The following VSIG10L2 variants were observed in gnomAD, a reference collection of about 807,000 sequenced individuals.
The protein encoded by VSIG10L2 is V-set and immunoglobulin domain containing 10 like 2.
In VSIG10L2, 56 loss-of-function variants were observed where a neutral mutation model predicts 67.1. The ratio of observed to expected loss-of-function variants is 0.83; its 90% CI spans 0.67 to 1.04. The LOEUF (loss-of-function observed/expected upper bound fraction) is 1.04. Ranked by LOEUF, VSIG10L2 falls within the 50% of genes least tolerant of loss-of-function variation. The pLI, the probability that VSIG10L2 is intolerant of heterozygous loss-of-function variation, is 0.00. For synonymous variants in VSIG10L2, 360 were observed against 396.6 expected, an observed-to-expected ratio of 0.91 and a Z score of 1.10; for missense variants, 843 against 932.8, an observed-to-expected ratio of 0.90 and a Z score of 1.25.
chr11:125,954,200 G>C lies in VSIG10L2; in HGVS notation c.1900G>C (p.Val634Leu). The change falls in exon 8 of 12, where the codon GTG becomes CTG. Residue 634 changes from valine (V) to leucine (L), a missense_variant. Physicochemically the swap from Val to Leu is conservative, Grantham distance 32. Transcript: ENST00000686984. Reference sequence around the variant, plus strand: ...ACCCGGGAACCTGACGGGCTTCCTGGTGCAGCGGAAGGCCAGTGCCCTGGG... The same window carrying C: ...ACCCGGGAACCTGACGGGCTTCCTGCTGCAGCGGAAGGCCAGTGCCCTGGG... Reference protein sequence around the residue: ...LGPGNLTGFLVQRKASALGPG... With the variant: ...LGPGNLTGFLLQRKASALGPG... The C allele has an allele frequency of 8.1e-7, 1 of 1,232,230 alleles. No homozygotes were observed. Among genetic ancestry groups the C allele is most frequent in the Non-Finnish European group, 1.0e-6 (1 of 988,024 alleles). The allele number at this position is 1,232,230 out of a possible 1,614,324, so 76.3% of individuals were successfully genotyped here. A position where few individuals can be genotyped will look rare whatever the true frequency, so the allele number is the denominator to read the frequency against.
chr11:125,947,144 T>C (rs1274025813), intron 1 of VSIG10L2, among the ~76,000 whole-genome samples: 1 of 152,124 alleles, frequency 6.6e-6, no homozygotes, highest in Non-Finnish European at 1.5e-5. Context: ...CGGTGTCCTC[T>C]TTCCCTTGCT....
Position 125,953,579 on chromosome 11 carries a change from C to T in VSIG10L2, c.1675C>T (p.Leu559=), listed in dbSNP as rs2134307164. ...CATGCTGCACCCTGAGGGTGCCCAG[C>T]TGCGCCTGGGCATCTACGATGCTGA... ...GFMLHPEGAQ[L]RLGIYDADPA... is the part of the protein sequence containing the mutation. Residue 559 remains leucine (L), a synonymous_variant, in exon 7 of 12, where the codon CTG becomes TTG. Transcript: ENST00000686984. 3 of 1,232,214 alleles carry T rather than the reference C, an allele frequency of 2.4e-6. No individual in the cohort carries two copies. Among genetic ancestry groups the T allele is most frequent in the Non-Finnish European group, 3.0e-6 (3 of 987,992 alleles). 76.3% of individuals were successfully genotyped at this position (1,232,214 alleles called of 1,614,324 possible). A position where few individuals can be genotyped will look rare whatever the true frequency, so the allele number is the denominator to read the frequency against.
In VSIG10L2 at chr11:125,948,496, CG is replaced by C; in HGVS notation, c.627del (p.Thr210HisfsTer3). On this transcript the variant is annotated frameshift_variant, in exon 3 of 12. Transcript: ENST00000686984. LOFTEE classifies it high-confidence loss of function. ...EPLFQLDPVNRTHLGWYMCSA... is the reference protein window; with the variant it reads ...EPLFQLDPVNXTHLGWYMCSA... ...ACTATTCCAGCTGGACCCTGTCAAC[CG>C]GACACACCTAGGGTGGTACATGTGC... 8.1e-7 allele frequency: 1 copy of C among 1,232,232 alleles called. No individual in the cohort carries two copies. Among genetic ancestry groups the C allele is most frequent in the Middle Eastern group, 3.1e-4 (1 of 3,210 alleles). 76.3% of individuals were successfully genotyped at this position (1,232,232 alleles called of 1,614,324 possible).
Position 125,955,597 on chromosome 11 carries a change from C to T in VSIG10L2, c.2232-18C>T, listed in dbSNP as rs368732673. The T allele has an allele frequency of 8.5e-6, 13 of 1,526,278 alleles. No individual in the cohort carries two copies. The African/African-American group carries it at 1.5e-4, about 18-fold the overall frequency. The allele number at this position is 1,526,278 out of a possible 1,614,324, so 94.5% of individuals were successfully genotyped here. On this transcript the variant is annotated intron_variant, in intron 10 of 11. Coordinates refer to ENST00000686984, the MANE Select transcript of VSIG10L2 (RefSeq NM_001365077.2). ...GAAGTGAGTTGCCACTAACTTTACT[C>T]TCCCACTTCACTCTCAGGGAGCAAA... is the stretch of plus-strand genomic sequence containing the variant.
intron 9 of VSIG10L2, among the ~76,000 whole-genome samples, 35 bp from the exon 10 acceptor site, chr11:125,955,447 G>A (rs1269953225): frequency 6.6e-6 from 1 of 152,202 alleles, no homozygotes; most frequent in Non-Finnish European, 1.5e-5. Flanking sequence ...TGCTGGGCTG[G>A]CCAAGTAATG....
At position 125,947,927 on chromosome 11, in the gene VSIG10L2, G is replaced by C. The variant is rs1945318676; in HGVS notation, c.324G>C (p.Val108=). The C allele has an allele frequency of 1.6e-6, 2 of 1,232,338 alleles. No homozygotes were observed. The highest frequency in any genetic ancestry group is 8.2e-5 in the South Asian group (2 of 24,326). The allele number at this position is 1,232,338 out of a possible 1,614,324, so 76.3% of individuals were successfully genotyped here. The change falls in exon 2 of 12, where the codon GTG becomes GTC. Residue 108 remains valine (V), a synonymous_variant. Coordinates refer to ENST00000686984, the MANE Select transcript of VSIG10L2 (RefSeq NM_001365077.2). ...GVVSLRNSSL[V]LGELHEGARG... Reference sequence around the variant, plus strand: ...TGAGTCTGAGGAACAGCAGCCTGGTGCTGGGGGAGCTTCACGAGGGTGCCC... The same window carrying C: ...TGAGTCTGAGGAACAGCAGCCTGGTCCTGGGGGAGCTTCACGAGGGTGCCC...
intron 9 of VSIG10L2, 65 bp downstream of exon 9, chr11:125,955,244 A>G: frequency 7.6e-7 from 1 of 1,307,964 alleles, no homozygotes. Context: ...TGACCTATCC[A>G]AAGGAGAGAT....
chr11:125,953,456 G>T lies in VSIG10L2; in HGVS notation c.1552G>T (p.Ala518Ser), dbSNP rs1254601372. Reference protein sequence around the residue: ...PRVSVLEGGEAWLECSLRGGT... With the variant: ...PRVSVLEGGESWLECSLRGGT... ...CGTGTCAGTGTTGGAGGGGGGAGAGGCCTGGCTGGAGTGCTCTCTCCGCGG... is the reference window on the plus strand; with the variant it reads ...CGTGTCAGTGTTGGAGGGGGGAGAGTCCTGGCTGGAGTGCTCTCTCCGCGG... Residue 518 changes from alanine to serine, a missense_variant, in exon 7 of 12, where the codon GCC becomes TCC. Ala to Ser is a moderately conservative substitution (Grantham distance 99). Coordinates refer to ENST00000686984, the MANE Select transcript of VSIG10L2 (RefSeq NM_001365077.2). The T allele has an allele frequency of 4.1e-6, 5 of 1,232,236 alleles. No homozygotes were observed. The highest frequency in any genetic ancestry group is 5.1e-6 in the Non-Finnish European group (5 of 988,136). The allele number at this position is 1,232,236 out of a possible 1,614,324, so 76.3% of individuals were successfully genotyped here.
At position 125,956,299 on chromosome 11, in the gene VSIG10L2, C is replaced by T; in HGVS notation, c.*385C>T. On this transcript the variant is annotated 3_prime_UTR_variant, in exon 12 of 12. Transcript: ENST00000686984. ...TGGATGGAGCAATTCCTAAATAAATCAGAGCTGATGTTCACGCCAATAGAG... is the reference window on the plus strand; with the variant it reads ...TGGATGGAGCAATTCCTAAATAAATTAGAGCTGATGTTCACGCCAATAGAG... 4 of 668,606 alleles carry T rather than the reference C, an allele frequency of 6.0e-6. No homozygotes were observed. The highest frequency in any genetic ancestry group is 9.5e-6 in the Non-Finnish European group (4 of 419,094). 41.4% of individuals were successfully genotyped at this position (668,606 alleles called of 1,614,324 possible). A position where few individuals can be genotyped will look rare whatever the true frequency, so the allele number is the denominator to read the frequency against.
intron 3 of VSIG10L2, among the ~76,000 whole-genome samples, 151 bp from the exon 4 acceptor site, chr11:125,949,863 C>T (rs1945342609): frequency 6.6e-6 from 1 of 152,204 alleles, no homozygotes; most frequent in Admixed American, 6.5e-5. Context: ...GGCCCCTGGA[C>T]TCTGAGCTCT....
At chr11:125,950,802 T>TCAG in intron 4 of VSIG10L2, 108 bp from the exon 5 acceptor site, 1 of 1,071,102 alleles carries the variant, frequency 9.3e-7, no homozygotes, top group Non-Finnish European at 1.2e-6. Flanking sequence ...TTCTCCCTGC[T>TCAG]CCCCTACCCA....
chr11:125,946,990 A>G lies in VSIG10L2; in HGVS notation c.83-696A>G, dbSNP rs866729920. Among the ~76,000 whole-genome samples, 8 of 152,094 alleles carry G rather than the reference A, an allele frequency of 5.3e-5. No individual in the cohort carries two copies. The highest frequency in any genetic ancestry group is 1.2e-4 in the Non-Finnish European group (8 of 68,006). ...GGCCCTGAGCCGAGAACACCTGTTA[A>G]GTGACTTACTCCACAGGAACTACTT... On this transcript the variant is annotated intron_variant, in intron 1 of 11. Transcript: ENST00000686984. This position sits in a 1 kb window ranked among gnomAD's most constrained non-coding sequence, Gnocchi z 4.4.
At chr11:125,954,842 A>G (rs948113) in intron 8 of VSIG10L2, among the ~76,000 whole-genome samples, 94,438 of 152,018 alleles carry the variant, frequency 0.62, 29,695 homozygotes, top group East Asian at 0.78. Flanking sequence ...GGGATTTGGC[A>G]GGAGAGTCAA....
In VSIG10L2 at chr11:125,948,519, G is replaced by C. The variant is rs1945323932; in HGVS notation, c.648G>C (p.Met216Ile). 1 of 1,232,228 alleles carries C rather than the reference G, an allele frequency of 8.1e-7. No homozygotes were observed. The allele number at this position is 1,232,228 out of a possible 1,614,324, so 76.3% of individuals were successfully genotyped here. Residue 216 changes from methionine (M) to isoleucine (I), a missense_variant, in exon 3 of 12, where the codon ATG becomes ATC. This residue lies in a region of VSIG10L2 where 446 missense variants were observed against 548.4 expected (regional missense o/e 0.81). Coordinates refer to ENST00000686984, the MANE Select transcript of VSIG10L2 (RefSeq NM_001365077.2). ...ACCGGACACACCTAGGGTGGTACATGTGCAGCGCCAGCAACTCCGTGAACA... is the reference window on the plus strand; with the variant it reads ...ACCGGACACACCTAGGGTGGTACATCTGCAGCGCCAGCAACTCCGTGAACA... ...PVNRTHLGWY[M>I]CSASNSVNRL...
chr11:125,953,748 C>T (rs1945410973), intron 7 of VSIG10L2, 58 bp downstream of exon 7: 4 of 1,225,804 alleles, frequency 3.3e-6, no homozygotes, highest in Non-Finnish European at 4.1e-6. Flanking sequence ...GACCAACAGC[C>T]ACAGAGTGCT....
intron 6 of VSIG10L2, among the ~76,000 whole-genome samples, chr11:125,952,696 C>G (rs760494202): frequency 1.3e-5 from 2 of 152,198 alleles, no homozygotes; most frequent in African/African-American, 2.4e-5. Flanking sequence ...TGGTTTTGGT[C>G]TGGTTCTTCC....
chr11:125,948,202 G>C, intron 2 of VSIG10L2, 103 bp from the exon 3 acceptor site: 1 of 1,231,800 alleles, frequency 8.1e-7, no homozygotes, highest in Non-Finnish European at 1.0e-6. Flanking sequence ...GTCAGGGTGG[G>C]TGGGCTGGTG....
intron 6 of VSIG10L2, among the ~76,000 whole-genome samples, chr11:125,952,438 T>C (rs931968121): frequency 1.3e-5 from 2 of 152,238 alleles, no homozygotes; most frequent in Non-Finnish European, 2.9e-5. Flanking sequence ...TAATGAGATA[T>C]TTTACATTCT....
At chr11:125,952,529 A>T (rs1179476462) in intron 6 of VSIG10L2, among the ~76,000 whole-genome samples, 1 of 152,234 alleles carries the variant, frequency 6.6e-6, no homozygotes, top group Non-Finnish European at 1.5e-5. Flanking sequence ...TCAAGTTCCC[A>T]TATTGACGTG....
Sources: gnomAD v4.1 joint callset for allele counts (sites outside exome capture counted in the v4.1 genomes callset) on GRCh38, gnomAD v4.1.1 for gene constraint, gnomAD v4.1.1 regional missense constraint, Gnocchi (gnomAD v3.1) non-coding constraint, MANE v1.5 for transcripts, NCBI Gene and HGNC (gene_info 2026-07-23, HGNC 2026-07-21) for gene names.